Variants in LRRC4C observed in about 807,000 individuals in gnomAD.
The protein encoded by LRRC4C is leucine-rich repeat-containing protein 4C.
LRRC4C carries 5 observed loss-of-function variants against 33.6 expected under a neutral mutation model. The observed-to-expected ratio is 0.15, with a 90% confidence interval of 0.08 to 0.31. The LOEUF is 0.31. LRRC4C is among the 10% of genes least tolerant of loss of function. The pLI is 1.00. For missense variants in LRRC4C, 560 were observed against 796.7 expected (o/e 0.70, Z 3.58); for synonymous variants, 329 against 302.0 (o/e 1.09, Z -0.93).
intron 1 of LRRC4C, among the ~76,000 whole-genome samples, chr11:41,341,251 A>G (rs1951627875): frequency 6.6e-6 from 1 of 152,178 alleles, no homozygotes; most frequent in Admixed American, 6.6e-5. Flanking sequence ...GTTCTTTGAG[A>G]GAAAATTTAA....
chr11:40,631,445 A>G (rs1290517940), intron 3 of LRRC4C, among the ~76,000 whole-genome samples: 1 of 152,202 alleles, frequency 6.6e-6, no homozygotes, highest in Non-Finnish European at 1.5e-5. Flanking sequence ...GACAGTCTCA[A>G]TATGTGACAG....
At chr11:40,750,379 A>G (rs965695917) in intron 2 of LRRC4C, among the ~76,000 whole-genome samples, 15 of 152,126 alleles carry the variant, frequency 9.9e-5, no homozygotes, top group African/African-American at 3.6e-4. Context: ...CCTGATAACA[A>G]AAGCAGACAA....
intron 1 of LRRC4C, among the ~76,000 whole-genome samples, chr11:41,376,309 G>C (rs978221649): frequency 1.3e-5 from 2 of 152,006 alleles, no homozygotes; most frequent in African/African-American, 4.8e-5. Context: ...GGAACTTGCC[G>C]GTAGAAAAAA....
chr11:40,588,782 C>T (rs999179944), intron 3 of LRRC4C, among the ~76,000 whole-genome samples: 2 of 152,110 alleles, frequency 1.3e-5, no homozygotes, highest in Non-Finnish European at 2.9e-5. Context: ...TGTAGTTGAG[C>T]AGTTTTGAGT....
At chr11:40,682,669 G>T (rs937216771) in intron 2 of LRRC4C, among the ~76,000 whole-genome samples, 1 of 151,798 alleles carries the variant, frequency 6.6e-6, no homozygotes, top group Non-Finnish European at 1.5e-5. Context: ...CAGCTACTTG[G>T]GAGAGGCATG....
intron 1 of LRRC4C, among the ~76,000 whole-genome samples, chr11:41,201,433 G>A (rs907186189): frequency 6.6e-6 from 1 of 152,084 alleles, no homozygotes; most frequent in Non-Finnish European, 1.5e-5. Context: ...CAAAACCCTT[G>A]GTCCTGGTAG....
intron 1 of LRRC4C, among the ~76,000 whole-genome samples, chr11:41,300,043 T>C (rs1250210249): frequency 6.6e-6 from 1 of 152,072 alleles, no homozygotes; most frequent in African/African-American, 2.4e-5. Context: ...AAAGGTAGAA[T>C]CAAAAATAAT....
intron 2 of LRRC4C, among the ~76,000 whole-genome samples, chr11:40,654,826 C>G (rs188301782): frequency 5.9e-5 from 9 of 152,256 alleles, no homozygotes; most frequent in Admixed American, 3.3e-4. Context: ...ATAATACCCA[C>G]GTGTCAAAGA....
intron 1 of LRRC4C, among the ~76,000 whole-genome samples, chr11:41,286,908 A>G (rs931637343): frequency 6.6e-6 from 1 of 152,068 alleles, no homozygotes; most frequent in Non-Finnish European, 1.5e-5. Flanking sequence ...ACAAAGAAAA[A>G]CTGGAAATGA....
intron 1 of LRRC4C, among the ~76,000 whole-genome samples, chr11:41,159,926 T>C (rs1257355727): frequency 1.3e-5 from 2 of 152,104 alleles, no homozygotes; most frequent in African/African-American, 4.8e-5. Flanking sequence ...AAAAGAATGA[T>C]GTGCTTTGAT....
chr11:40,446,436 G>A (rs531000391), intron 3 of LRRC4C: 25 of 152,124 alleles, frequency 1.6e-4, no homozygotes, highest in African/African-American at 4.6e-4. Context: ...AAAATTATAC[G>A]TTTCCTTTTA....
chr11:41,224,551 T>C (rs568308002), intron 1 of LRRC4C, among the ~76,000 whole-genome samples: 35 of 152,198 alleles, frequency 2.3e-4, no homozygotes, highest in Non-Finnish European at 1.5e-4. Context: ...CAAAACTTCC[T>C]TGTCCCCTTC....
At chr11:40,462,306 T>C (rs1159895754) in intron 3 of LRRC4C, among the ~76,000 whole-genome samples, 3 of 152,114 alleles carry the variant, frequency 2.0e-5, no homozygotes, top group African/African-American at 7.2e-5. Flanking sequence ...TTATTAGTCT[T>C]TATTATGTAG....
chr11:40,728,442 T>TA (rs1302188545), intron 2 of LRRC4C, among the ~76,000 whole-genome samples: 3 of 146,410 alleles, frequency 2.0e-5, no homozygotes, highest in Non-Finnish European at 3.0e-5. Context: ...CGTTCTCTAC[T>TA]AAAAAAAGAA....
At chr11:40,152,822 G>A (rs1858337413) in intron 5 of LRRC4C, among the ~76,000 whole-genome samples, 2 of 152,072 alleles carry the variant, frequency 1.3e-5, no homozygotes, top group South Asian at 2.1e-4. Flanking sequence ...GACACGCCTG[G>A]TCCCACCTCT....
At chr11:41,304,740 C>A (rs71470179) in intron 1 of LRRC4C, among the ~76,000 whole-genome samples, 22 of 92,790 alleles carry the variant, frequency 2.4e-4, no homozygotes, top group East Asian at 5.1e-4. Flanking sequence ...GCCCCCCGCC[C>A]GGCCAGCCGC....
intron 4 of LRRC4C, chr11:40,292,851 G>C (rs969195544): frequency 1.3e-5 from 2 of 151,908 alleles, no homozygotes; most frequent in African/African-American, 4.8e-5. Context: ...TATCCATTGC[G>C]TTCGGTTCCA....
At chr11:41,055,826 A>G (rs532522951) in intron 1 of LRRC4C, among the ~76,000 whole-genome samples, 2 of 152,300 alleles carry the variant, frequency 1.3e-5, no homozygotes, top group South Asian at 4.1e-4. Context: ...CCCAACTCAC[A>G]TTAGGAGAGA....
intron 1 of LRRC4C, among the ~76,000 whole-genome samples, chr11:40,955,097 G>A (rs761980108): frequency 1.8e-4 from 28 of 151,800 alleles, no homozygotes; most frequent in Non-Finnish European, 3.2e-4. Flanking sequence ...CCAATTGCCA[G>A]TGAAGTTATA....
Sources: allele counts gnomAD v4.1 joint callset (sites outside exome capture counted in the v4.1 genomes callset), GRCh38; gene constraint gnomAD v4.1.1; transcripts MANE v1.5; gene names NCBI Gene and HGNC (gene_info 2026-07-23, HGNC 2026-07-21).